The following RAD54L2 variants were observed in gnomAD, a reference collection of about 807,000 sequenced individuals.
RAD54L2 encodes helicase ARIP4.
In RAD54L2, 27 loss-of-function variants were observed where a neutral mutation model predicts 138.4. The observed-to-expected ratio is 0.20, with a 90% confidence interval of 0.14 to 0.27. RAD54L2 has a LOEUF of 0.27. Ranked by LOEUF, RAD54L2 falls within the 10% of genes least tolerant of loss-of-function variation. The pLI, the probability that RAD54L2 is intolerant of heterozygous loss-of-function variation, is 1.00. For synonymous variants in RAD54L2, 644 were observed against 723.2 expected (o/e 0.89, Z 1.76); for missense variants, 1,396 against 1,890.2 (o/e 0.74, Z 4.85).
Position 51,660,433 on chromosome 3 carries a change from C to T in RAD54L2, c.3409+315C>T, listed in dbSNP as rs1475419424. On this transcript the variant is annotated intron_variant, in intron 22 of 22. Transcript: ENST00000684192. ...ATGCCGTTCTCCTGCCTCAGCCTCC[C>T]GAGTAGCTGAGACTACAGGCGCCCG... is the stretch of plus-strand genomic sequence containing the variant. Among the ~76,000 whole-genome samples the T allele has an allele frequency of 1.0e-4, 15 of 148,322 alleles. 3 individuals carry two copies. The highest frequency in any genetic ancestry group is 2.0e-4 in the East Asian group (1 of 4,926).
intron 2 of RAD54L2, among the ~76,000 whole-genome samples, chr3:51,586,929 T>C (rs546146926): frequency 6.6e-6 from 1 of 152,216 alleles, no homozygotes; most frequent in Non-Finnish European, 1.5e-5. Context: ...TTTACAACCA[T>C]TGACTTCCAA....
intron 3 of RAD54L2, among the ~76,000 whole-genome samples, chr3:51,600,855 A>G (rs900247329): frequency 7.2e-5 from 11 of 151,880 alleles, no homozygotes; most frequent in Admixed American, 7.2e-4. Context: ...TAATCCCAGC[A>G]ATTCGGGTGG....
chr3:51,548,821 C>CTTTT lies in RAD54L2; in HGVS notation c.-55+7191_-55+7194dup, dbSNP rs1168106948. Among the ~76,000 whole-genome samples, 68 of 101,294 alleles carry CTTTT rather than the reference C, an allele frequency of 6.7e-4. 1 individual carries two copies. Among genetic ancestry groups the CTTTT allele is most frequent in the East Asian group, 2.0e-3 (6 of 3,030 alleles). The allele number at this position is 101,294 out of a possible 152,430, so 66.5% of individuals were successfully genotyped here. A position where few individuals can be genotyped will look rare whatever the true frequency, so the allele number is the denominator to read the frequency against. On this transcript the variant is annotated intron_variant, in intron 2 of 22. Coordinates refer to ENST00000684192, the MANE Select transcript of RAD54L2 (RefSeq NM_015106.4). ...CTGTCATAGCAGCCCAGTAACTCTG[C>CTTTT]TTTTTTTTTTTTTTTTTTTTTTTGA... is the stretch of plus-strand genomic sequence containing the variant.
chr3:51,570,465 T>C (rs971978902), intron 2 of RAD54L2, among the ~76,000 whole-genome samples: 1 of 149,612 alleles, frequency 6.7e-6, no homozygotes, highest in Non-Finnish European at 1.5e-5. Flanking sequence ...TTTATTTTTA[T>C]TTATTTATTT....
At chr3:51,657,557 T>C (rs1412948669) in intron 20 of RAD54L2, 23 bp from the exon 21 acceptor site, 1 of 1,485,604 alleles carries the variant, frequency 6.7e-7, no homozygotes, top group South Asian at 1.2e-5. Context: ...GCAATCTAAA[T>C]TTAAGATCTG....
rs757041129 is a variant in RAD54L2, at chr3:51,590,489, AGAGGAGGAG to A, written c.83_91del (p.Glu28_Glu30del). 7 of 1,550,644 alleles carry A rather than the reference AGAGGAGGAG, an allele frequency of 4.5e-6. No individual in the cohort carries two copies. Among genetic ancestry groups the A allele is most frequent in the Admixed American group, 3.9e-5 (2 of 50,922 alleles). ...CGGACGTGGAGCTGGAGGATGCGGAAGAGGAGGAGGAGGAGGAGGAGGTGGCAGTGGAGG... is the reference window on the plus strand; with the variant it reads ...CGGACGTGGAGCTGGAGGATGCGGAAGAGGAGGAGGAGGTGGCAGTGGAGG... On this transcript the variant is annotated inframe_deletion, in exon 3 of 23. Coordinates refer to ENST00000684192, the MANE Select transcript of RAD54L2 (RefSeq NM_015106.4).
Position 51,656,163 on chromosome 3 carries a change from C to T in RAD54L2, c.3219C>T (p.Thr1073=). 6.2e-7 allele frequency: 1 copy of T among 1,607,304 alleles called. No homozygotes were observed. The highest frequency in any genetic ancestry group is 8.5e-7 in the Non-Finnish European group (1 of 1,174,654). The change falls in exon 20 of 23, where the codon ACC becomes ACT. Residue 1073 remains threonine, a synonymous_variant. Transcript: ENST00000684192. ...RAGVLVQKVV[T]TTDIVIPGLN... ...GAGTCCTTGTGCAGAAGGTGGTCAC[C>T]ACGACAGGTGGGAACTCCTGGGCTC...
intron 18 of RAD54L2, among the ~76,000 whole-genome samples, chr3:51,646,008 C>T (rs1289455804): frequency 6.6e-6 from 1 of 152,148 alleles, no homozygotes; most frequent in Non-Finnish European, 1.5e-5. Context: ...GTCTTCTTAG[C>T]AGAAAGAGAG....
chr3:51,560,312 T>C (rs1445596584), intron 2 of RAD54L2, among the ~76,000 whole-genome samples: 1 of 152,080 alleles, frequency 6.6e-6, no homozygotes, highest in African/African-American at 2.4e-5. Flanking sequence ...TGAAGAGCAA[T>C]ACTTTACTAG....
intron 2 of RAD54L2, among the ~76,000 whole-genome samples, chr3:51,549,791 A>C (rs1387822981): frequency 1.3e-5 from 2 of 151,748 alleles, no homozygotes; most frequent in Admixed American, 1.3e-4. Context: ...AAAAAAAAAA[A>C]AAAAGGGGGT....
chr3:51,568,786 A>C (rs1699271688), intron 2 of RAD54L2, among the ~76,000 whole-genome samples: 2 of 152,116 alleles, frequency 1.3e-5, no homozygotes, highest in Non-Finnish European at 2.9e-5. Flanking sequence ...ATGCATTGTA[A>C]ATTTCCTGGT....
intron 2 of RAD54L2, among the ~76,000 whole-genome samples, chr3:51,548,545 C>T (rs1419068808): frequency 6.6e-6 from 1 of 152,100 alleles, no homozygotes; most frequent in Non-Finnish European, 1.5e-5. Flanking sequence ...GGCAAATATC[C>T]CCATTGTACA....
At chr3:51,576,325 T>C (rs1397818486) in intron 2 of RAD54L2, among the ~76,000 whole-genome samples, 2 of 152,112 alleles carry the variant, frequency 1.3e-5, no homozygotes, top group African/African-American at 2.4e-5. Context: ...TGTTGTGTCT[T>C]TGCCAGGCTT....
rs539554990 is a variant in RAD54L2 at position 51,569,768 on chromosome 3, T to C, written c.-54-20599T>C. ...ATTTGATGGATATATTTGTGCATCA[T>C]AGTGCCTGGCACAGTGTCTTTTTAA... is the stretch of plus-strand genomic sequence containing the variant. On this transcript the variant is annotated intron_variant, in intron 2 of 22. Transcript: ENST00000684192. 1.2e-4 allele frequency among the ~76,000 whole-genome samples: 19 copies of C among 152,328 alleles called. 1 individual carries two copies. The South Asian group carries it at 3.9e-3, about 32-fold the overall frequency.
intron 3 of RAD54L2, among the ~76,000 whole-genome samples, chr3:51,593,133 A>G (rs1218621074): frequency 6.6e-6 from 1 of 152,016 alleles, no homozygotes; most frequent in African/African-American, 2.4e-5. Flanking sequence ...ATGTGTGAAG[A>G]CACTGGTTGT....
intron 2 of RAD54L2, among the ~76,000 whole-genome samples, chr3:51,564,836 TAAG>T (rs1559618552): frequency 6.6e-6 from 1 of 152,134 alleles, no homozygotes; most frequent in African/African-American, 2.4e-5. Context: ...GGGAAAAAGT[TAAG>T]AGAGAGCAGT....
At chr3:51,644,598 T>C (rs1577455258) in intron 16 of RAD54L2, among the ~76,000 whole-genome samples, 1 of 152,218 alleles carries the variant, frequency 6.6e-6, no homozygotes, top group South Asian at 2.1e-4. Flanking sequence ...AAAAGGCTGA[T>C]GGTATTGTCT....
In RAD54L2 at chr3:51,616,827, CAAAAG is replaced by C. The variant is rs542313846; in HGVS notation, c.140-10701_140-10697del. On this transcript the variant is annotated intron_variant, in intron 3 of 22. Transcript: ENST00000684192. Reference sequence around the variant, plus strand: ...TGAGTGACAGAGTGAGACTCTGTCTCAAAAGAAAAGAAAAGAAAAGAAAAGAAAAT... The same window carrying C: ...TGAGTGACAGAGTGAGACTCTGTCTCAAAAGAAAAGAAAAGAAAAGAAAAT... Among the ~76,000 whole-genome samples the C allele has an allele frequency of 2.0e-3, 298 of 151,640 alleles. 1 individual carries two copies. Among genetic ancestry groups the C allele is most frequent in the African/African-American group, 5.1e-3 (209 of 41,312 alleles).
rs1297651935 is a variant in RAD54L2, at chr3:51,662,137, C to T, written c.3410-289C>T. On this transcript the variant is annotated intron_variant, in intron 22 of 22. Transcript: ENST00000684192. The surrounding 1 kb of genome is among the most constrained non-coding windows in gnomAD (Gnocchi z 4.6). ...AAGTTTGACTAGTTTTAAGAATGAT[C>T]TCTTAGTGTTTCATATCCCTTATCT... Among the ~76,000 whole-genome samples the T allele has an allele frequency of 1.3e-5, 2 of 152,108 alleles. No individual in the cohort carries two copies. Among genetic ancestry groups the T allele is most frequent in the African/African-American group, 4.8e-5 (2 of 41,390 alleles).
Sources: allele counts gnomAD v4.1 joint callset (sites outside exome capture counted in the v4.1 genomes callset), GRCh38; gene constraint gnomAD v4.1.1; non-coding constraint Gnocchi (gnomAD v3.1); transcripts MANE v1.5; gene names NCBI Gene and HGNC (gene_info 2026-07-23, HGNC 2026-07-21).